The following LRMDA variants were observed in gnomAD, a reference collection of about 807,000 sequenced individuals.
LRMDA encodes the protein leucine rich melanocyte differentiation associated.
Under a neutral mutation model 29.8 loss-of-function variants are expected in LRMDA, and 18 were observed. The observed-to-expected ratio is 0.60, with a 90% CI of 0.42 to 0.90. The LOEUF is 0.90. Ranked by LOEUF, LRMDA falls within the 40% of genes least tolerant of loss-of-function variation. LRMDA has a pLI of 0.00. For synonymous variants in LRMDA, 125 were observed against 109.4 expected, an observed-to-expected ratio of 1.14 and a Z score of -0.89; for missense variants, 273 against 273.9, an observed-to-expected ratio of 1.00 and a Z score of 0.02.
intron 2 of LRMDA, among the ~76,000 whole-genome samples, chr10:75,787,824 T>C (rs1176319165): frequency 6.6e-6 from 1 of 152,144 alleles, no homozygotes; most frequent in African/African-American, 2.4e-5. Context: ...GGTCAAAAGA[T>C]TGAGACCATC....
intron 5 of LRMDA, among the ~76,000 whole-genome samples, chr10:76,176,307 G>A (rs983166559): frequency 1.3e-5 from 2 of 152,180 alleles, no homozygotes; most frequent in African/African-American, 4.8e-5. Context: ...TAAAGGTGAT[G>A]AAGTGTTGTG....
intron 6 of LRMDA, among the ~76,000 whole-genome samples, chr10:76,343,775 G>A (rs1841069408): frequency 6.6e-6 from 1 of 150,478 alleles, no homozygotes; most frequent in Non-Finnish European, 1.5e-5. Context: ...AGGCATCAAA[G>A]TGGAAAGCCT....
At chr10:75,803,996 G>A (rs1018247441) in intron 2 of LRMDA, among the ~76,000 whole-genome samples, 3 of 152,238 alleles carry the variant, frequency 2.0e-5, no homozygotes, top group African/African-American at 7.2e-5. Context: ...AGCGTGTCAT[G>A]TCCCAGCGCT....
At chr10:75,512,277 A>G (rs1447855927) in intron 2 of LRMDA, among the ~76,000 whole-genome samples, 2 of 152,106 alleles carry the variant, frequency 1.3e-5, no homozygotes, top group African/African-American at 4.8e-5. Flanking sequence ...TGGAAAGTGT[A>G]GGTGCTGGTG....
intron 2 of LRMDA, among the ~76,000 whole-genome samples, chr10:75,899,500 G>A (rs1845635989): frequency 6.6e-6 from 1 of 152,240 alleles, no homozygotes; most frequent in Non-Finnish European, 1.5e-5. Context: ...CAATGTAAAT[G>A]CATCTTCTCT....
rs185858286 is a variant in LRMDA at position 76,390,134 on chromosome 10, C to T, written c.601+65649C>T. Reference sequence around the variant, plus strand: ...AATGCACATGATTCCAATTATTCCACAGGCTCATCAACATTTATTATTTTC... The same window carrying T: ...AATGCACATGATTCCAATTATTCCATAGGCTCATCAACATTTATTATTTTC... On this transcript the variant is annotated intron_variant, in intron 6 of 6. Transcript: ENST00000611255. Among the ~76,000 whole-genome samples the T allele has an allele frequency of 2.1e-3, 313 of 152,310 alleles. 2 individuals are homozygous for T. The highest frequency in any genetic ancestry group is 5.9e-3 in the Admixed American group (90 of 15,288).
At chr10:75,453,678 T>C (rs935711030) in intron 2 of LRMDA, among the ~76,000 whole-genome samples, 2 of 152,212 alleles carry the variant, frequency 1.3e-5, no homozygotes, top group Non-Finnish European at 2.9e-5. Context: ...ATTGAATGTA[T>C]TAAAATGCAT....
At chr10:76,456,221 G>A (rs928204414) in intron 6 of LRMDA, among the ~76,000 whole-genome samples, 1 of 152,194 alleles carries the variant, frequency 6.6e-6, no homozygotes, top group African/African-American at 2.4e-5. Context: ...CTAGAGTGGG[G>A]TGTGTTGAGA....
rs918764932 is a variant in LRMDA, at chr10:76,036,091, C to T, written c.215C>T (p.Pro72Leu). ...CAGCTGGGGGACGACCTTGTGTTGC[C>T]AGGGTTACCCAGACTGCATACCTTA... ...NNQLGDDLVL[P>L]GLPRLHTLTL... The change falls in exon 3 of 7, where the codon CCA (proline) becomes CTA (leucine). Residue 72 changes from proline to leucine, a missense_variant. Coordinates refer to ENST00000611255, the MANE Select transcript of LRMDA (RefSeq NM_001305581.2). 1 of 1,614,086 alleles carries T rather than the reference C, an allele frequency of 6.2e-7. No individual in the cohort carries two copies. The highest frequency in any genetic ancestry group is 8.5e-7 in the Non-Finnish European group (1 of 1,180,030).
At chr10:76,177,409 A>AAAC (rs1554853139) in intron 5 of LRMDA, among the ~76,000 whole-genome samples, 5 of 151,930 alleles carry the variant, frequency 3.3e-5, no homozygotes, top group South Asian at 4.1e-4. Context: ...GACAAAAAAA[A>AAAC]AACAACAAAA....
At chr10:75,763,431 A>G (rs1374792267) in intron 2 of LRMDA, among the ~76,000 whole-genome samples, 1 of 152,196 alleles carries the variant, frequency 6.6e-6, no homozygotes, top group Non-Finnish European at 1.5e-5. Context: ...GTGAGAAGTT[A>G]TGATTGATGG....
chr10:75,883,749 A>G (rs1845332473), intron 2 of LRMDA, among the ~76,000 whole-genome samples: 1 of 151,664 alleles, frequency 6.6e-6, no homozygotes, highest in Non-Finnish European at 1.5e-5. Context: ...ATTATATTCA[A>G]TTTAATGACG....
chr10:75,524,448 T>A (rs1373097383), intron 2 of LRMDA, among the ~76,000 whole-genome samples: 1 of 152,146 alleles, frequency 6.6e-6, no homozygotes, highest in East Asian at 1.9e-4. Context: ...TGGTGATGAT[T>A]TAGGGTCTTG....
At chr10:76,517,856 G>C (rs1843077073) in intron 6 of LRMDA, among the ~76,000 whole-genome samples, 3 of 151,164 alleles carry the variant, frequency 2.0e-5, no homozygotes, top group South Asian at 4.2e-4. Flanking sequence ...TCAGCAATTT[G>C]TGATATATTT....
At chr10:76,517,406 C>T (rs1187648721) in intron 6 of LRMDA, among the ~76,000 whole-genome samples, 1 of 152,034 alleles carries the variant, frequency 6.6e-6, no homozygotes, top group Non-Finnish European at 1.5e-5. Flanking sequence ...GATTTCTTGG[C>T]ATCAAAATGG....
chr10:76,141,780 G>A (rs1380199410), intron 5 of LRMDA, among the ~76,000 whole-genome samples: 1 of 152,006 alleles, frequency 6.6e-6, no homozygotes, highest in Non-Finnish European at 1.5e-5. Context: ...TCCTTCTAAG[G>A]TTTGCAAACC....
chr10:75,696,657 C>T (rs1407847282), intron 2 of LRMDA, among the ~76,000 whole-genome samples: 1 of 152,206 alleles, frequency 6.6e-6, no homozygotes, highest in Non-Finnish European at 1.5e-5. Flanking sequence ...TCAACCCTCT[C>T]ACTTTTACAG....
rs1410338149 is a variant in LRMDA at position 75,966,720 on chromosome 10, A to T, written c.132-69288A>T. Among the ~76,000 whole-genome samples, 4 of 152,202 alleles carry T rather than the reference A, an allele frequency of 2.6e-5. No individual in the cohort carries two copies. In the East Asian group the frequency reaches 7.7e-4, roughly 29 times the overall value. On this transcript the variant is annotated intron_variant, in intron 2 of 6. Coordinates refer to ENST00000611255, the MANE Select transcript of LRMDA (RefSeq NM_001305581.2). ...CTGAGGGGAATGTAGGAAAGAGCAG[A>T]TCCTTAGAAGTTAGAGATTCTTGAG...
At chr10:76,330,568 A>G (rs534379405) in intron 6 of LRMDA, among the ~76,000 whole-genome samples, 1 of 152,230 alleles carries the variant, frequency 6.6e-6, no homozygotes, top group East Asian at 1.9e-4. Context: ...GACCCCACTT[A>G]GGGAAGAGGA....
Sources: gnomAD v4.1 joint callset for allele counts (sites outside exome capture counted in the v4.1 genomes callset) on GRCh38, gnomAD v4.1.1 for gene constraint, MANE v1.5 for transcripts, NCBI Gene and HGNC (gene_info 2026-07-23, HGNC 2026-07-21) for gene names.